The following UGT2A3 variants were observed in gnomAD, a reference collection of about 807,000 sequenced individuals.
The protein encoded by UGT2A3 is UDP glucuronosyltransferase family 2 member A3.
Under a neutral mutation model 44.1 loss-of-function variants are expected in UGT2A3, and 55 were observed. The ratio of observed to expected loss-of-function variants is 1.25; its 90% CI spans 1.00 to 1.56. UGT2A3 has a LOEUF of 1.56. Among genes scored for constraint, UGT2A3 ranks in the 40% most tolerant of loss-of-function variants. The pLI, the probability that UGT2A3 is intolerant of heterozygous loss-of-function variation, is 0.00. For missense variants in UGT2A3, 733 were observed against 621.6 expected (o/e 1.18, Z -1.91); for synonymous variants, 243 against 215.1 (o/e 1.13, Z -1.13).
chr4:68,945,336 C>T lies in UGT2A3; in HGVS notation c.834G>A (p.Leu278=), dbSNP rs1453332397. The T allele has an allele frequency of 3.7e-6, 6 of 1,611,412 alleles. No homozygotes were observed. Among genetic ancestry groups the T allele is most frequent in the Middle Eastern group, 1.7e-4 (1 of 6,038 alleles). The change falls in exon 2 of 6, where the codon TTG becomes TTA. Residue 278 remains leucine, a synonymous_variant. Coordinates refer to ENST00000251566, the MANE Select transcript of UGT2A3 (RefSeq NM_024743.4). ...YQPNFEFVGG[L]HCKPAKALPK... Reference sequence around the variant, plus strand: ...GCAAAGCTTTGGCAGGTTTACAGTGCAATCCTCCAACAAACTCAAAGTTAG... The same window carrying T: ...GCAAAGCTTTGGCAGGTTTACAGTGTAATCCTCCAACAAACTCAAAGTTAG...
intron 3 of UGT2A3, among the ~76,000 whole-genome samples, chr4:68,931,924 A>G (rs6858791): frequency 0.7 from 105,866 of 151,756 alleles, 39,376 homozygotes; most frequent in Non-Finnish European, 0.86. Context: ...TTTCATAATT[A>G]AAATTACAAT....
At chr4:68,930,878 T>G in intron 4 of UGT2A3, 113 bp from the exon 5 acceptor site, 2 of 943,706 alleles carry the variant, frequency 2.1e-6, no homozygotes, top group Non-Finnish European at 3.1e-6. Flanking sequence ...TACAGCACTT[T>G]CTTTAGAAGG....
chr4:68,933,703 C>G (rs1717828952), intron 2 of UGT2A3, among the ~76,000 whole-genome samples: 1 of 152,042 alleles, frequency 6.6e-6, no homozygotes, highest in South Asian at 2.1e-4. Context: ...TCAGAAACAA[C>G]TATCAGGTTA....
chr4:68,934,529 A>C (rs1717861300), intron 2 of UGT2A3, among the ~76,000 whole-genome samples: 1 of 152,022 alleles, frequency 6.6e-6, no homozygotes, highest in Non-Finnish European at 1.5e-5. Context: ...TGAAAACATA[A>C]CAAAATGAAA....
At position 68,930,031 on chromosome 4, in the gene UGT2A3, C is replaced by G. The variant is rs776563947; in HGVS notation, c.1366G>C (p.Asp456His). 1.2e-5 allele frequency: 20 copies of G among 1,613,372 alleles called. No individual in the cohort carries two copies. The Admixed American group carries it at 3.2e-4, about 26-fold the overall frequency. Residue 456 changes from aspartate to histidine, a missense_variant, in exon 6 of 6, where the codon GAT (aspartate) becomes CAT (histidine). Physicochemically the swap from Asp to His is moderately conservative, Grantham distance 81 (BLOSUM62 -1). Coordinates refer to ENST00000251566, the MANE Select transcript of UGT2A3 (RefSeq NM_024743.4). ...AACTCGATCCAGAAGACTGCTCGAT[C>G]TAGGGGCTTTACAGGTTGATCATGG... ...IHHDQPVKPL[D>H]RAVFWIEFVM...
At chr4:68,947,416 C>T (rs1577856744) in intron 1 of UGT2A3, among the ~76,000 whole-genome samples, 1 of 151,644 alleles carries the variant, frequency 6.6e-6, no homozygotes, top group East Asian at 2.0e-4. Context: ...ACCTTCAGGC[C>T]CACTTATAAT....
At position 68,942,910 on chromosome 4, in the gene UGT2A3, T is replaced by C. The variant is rs375666034; in HGVS notation, c.864+2396A>G. Among the ~76,000 whole-genome samples, 17 of 151,852 alleles carry C rather than the reference T, an allele frequency of 1.1e-4. No individual in the cohort carries two copies. The East Asian group carries it at 3.3e-3, about 30-fold the overall frequency. On this transcript the variant is annotated intron_variant, in intron 2 of 5. Coordinates refer to ENST00000251566, the MANE Select transcript of UGT2A3 (RefSeq NM_024743.4). Reference sequence around the variant, plus strand: ...GATAGCCAGAAAGGAGGTTTTTGAATGTTATCACCACAAAGAAATGATAAA... The same window carrying C: ...GATAGCCAGAAAGGAGGTTTTTGAACGTTATCACCACAAAGAAATGATAAA...
chr4:68,932,287 T>TA (rs1717765769), intron 3 of UGT2A3, among the ~76,000 whole-genome samples: 1 of 151,874 alleles, frequency 6.6e-6, no homozygotes, highest in African/African-American at 2.4e-5. Context: ...TTTTTTTTTT[T>TA]ATATCAGTTT....
rs1717639170 is a variant in UGT2A3 at position 68,929,531 on chromosome 4, T to C, written c.*282A>G. On this transcript the variant is annotated 3_prime_UTR_variant, in exon 6 of 6. Coordinates refer to ENST00000251566, the MANE Select transcript of UGT2A3 (RefSeq NM_024743.4). ...CATGTCACCCTATCACTTAAGGTTA[T>C]AGAAGTAATGACATCATCAAAACAG... 1.1e-5 allele frequency: 3 copies of C among 263,768 alleles called. No homozygotes were observed. The highest frequency in any genetic ancestry group is 7.2e-6 in the Non-Finnish European group (1 of 138,108). The allele number at this position is 263,768 out of a possible 1,614,324, so 16.3% of individuals were successfully genotyped here.
rs2109772196 is a variant in UGT2A3, at chr4:68,928,619, T to A, written c.*1194A>T. On this transcript the variant is annotated 3_prime_UTR_variant, in exon 6 of 6. Transcript: ENST00000251566. ...ATTTCAAAATTTTCAAAAAGCCAGA[T>A]GAGCCAATTTATTTATTTAAAACTA... 1 of 152,104 alleles carries A rather than the reference T, an allele frequency of 6.6e-6. No homozygotes were observed. Among genetic ancestry groups the A allele is most frequent in the Admixed American group, 6.5e-5 (1 of 15,278 alleles). 9.4% of individuals were successfully genotyped at this position (152,104 alleles called of 1,614,324 possible).
In UGT2A3 at chr4:68,931,248, G is replaced by A; in HGVS notation, c.997-6C>T. ...CCTTTGTACCTCCATAACACCTACG[G>A]AAGAAACACATGTATTTCACAGAGT... is the stretch of plus-strand genomic sequence containing the variant. On this transcript the variant is annotated splice_polypyrimidine_tract_variant and splice_region_variant and intron_variant, in intron 3 of 5. Transcript: ENST00000251566. 6.2e-7 allele frequency: 1 copy of A among 1,608,646 alleles called. No homozygotes were observed. Among genetic ancestry groups the A allele is most frequent in the East Asian group, 2.2e-5 (1 of 44,750 alleles).
Position 68,930,597 on chromosome 4 carries a change from A to G in UGT2A3, c.1253T>C (p.Met418Thr). The change falls in exon 5 of 6, where the codon ATG (methionine) becomes ACG (threonine). Residue 418 changes from methionine (M) to threonine (T), a missense_variant. By Grantham distance (81) the Met-to-Thr change is moderately conservative. Coordinates refer to ENST00000251566, the MANE Select transcript of UGT2A3 (RefSeq NM_024743.4). ...GAAVEINFKT[M>T]TSEDLLRALR... ...AGCCCTCAGTAAATCTTCGCTTGTC[A>G]TAGTTTTGAAGTTTATTTCTACAGC... The G allele has an allele frequency of 6.2e-7, 1 of 1,613,440 alleles. No homozygotes were observed. Among genetic ancestry groups the G allele is most frequent in the Non-Finnish European group, 8.5e-7 (1 of 1,179,634 alleles).
Position 68,951,462 on chromosome 4 carries a change from C to T in UGT2A3, c.299G>A (p.Gly100Asp), listed in dbSNP as rs1329953087. Residue 100 changes from glycine (G) to aspartate (D), a missense_variant, in exon 1 of 6, where the codon GGC becomes GAC. Gly to Asp is a moderately conservative substitution (Grantham distance 94). Coordinates refer to ENST00000251566, the MANE Select transcript of UGT2A3 (RefSeq NM_024743.4). The stretch of plus-strand genomic sequence containing the variant: ...TATAACTGATTGCCAGGTTGATAAG[C>T]CTGGCAAGACATTCAGAGCTAGGTC... ...FVDLALNVLP[G>D]LSTWQSVIKL... 6.2e-7 allele frequency: 1 copy of T among 1,612,322 alleles called. No individual in the cohort carries two copies. Among genetic ancestry groups the T allele is most frequent in the Non-Finnish European group, 8.5e-7 (1 of 1,179,202 alleles).
At chr4:68,943,293 T>C in intron 2 of UGT2A3, 2 of 1,265,792 alleles carry the variant, frequency 1.6e-6, no homozygotes, top group Non-Finnish European at 2.0e-6. Context: ...TAGAGAATGA[T>C]GGAAATTGTC....
chr4:68,940,046 C>T (rs1323304190), intron 2 of UGT2A3, among the ~76,000 whole-genome samples: 2 of 152,038 alleles, frequency 1.3e-5, no homozygotes, highest in African/African-American at 2.4e-5. Flanking sequence ...AGTCAGGAAA[C>T]AACAGATACT....
chr4:68,948,890 A>C (rs558170655), intron 1 of UGT2A3, among the ~76,000 whole-genome samples: 1 of 151,946 alleles, frequency 6.6e-6, no homozygotes, highest in South Asian at 2.1e-4. Flanking sequence ...CATGGTATAC[A>C]AGAGGCATGG....
At chr4:68,940,394 T>A (rs1404578345) in intron 2 of UGT2A3, among the ~76,000 whole-genome samples, 2 of 151,994 alleles carry the variant, frequency 1.3e-5, no homozygotes, top group African/African-American at 2.4e-5. Context: ...TCATGTCCTT[T>A]TGAGGGACAT....
rs1021339011 is a variant in UGT2A3 at position 68,947,617 on chromosome 4, G to T, written c.716-2163C>A. 2.6e-5 allele frequency among the ~76,000 whole-genome samples: 4 copies of T among 151,702 alleles called. No homozygotes were observed. In the South Asian group the frequency reaches 6.2e-4, roughly 24 times the overall value. On this transcript the variant is annotated intron_variant, in intron 1 of 5. Coordinates refer to ENST00000251566, the MANE Select transcript of UGT2A3 (RefSeq NM_024743.4). The stretch of plus-strand genomic sequence containing the variant: ...TAGAATGAAAAATCCTTTTGAAAAG[G>T]TTTTCAATATACTTTCCCCATTAGT...
At chr4:68,932,254 G>C (rs1717764385) in intron 3 of UGT2A3, among the ~76,000 whole-genome samples, 1 of 150,750 alleles carries the variant, frequency 6.6e-6, no homozygotes, top group South Asian at 2.1e-4. Flanking sequence ...AATATGAGAA[G>C]ATATTCTTGA....
Sources: gnomAD v4.1 joint callset for allele counts (sites outside exome capture counted in the v4.1 genomes callset) on GRCh38, gnomAD v4.1.1 for gene constraint, MANE v1.5 for transcripts, NCBI Gene and HGNC (gene_info 2026-07-23, HGNC 2026-07-21) for gene names.